Variants in FAM168B observed in about 807,000 individuals in gnomAD.
The protein encoded by FAM168B is family with sequence similarity 168 member B, also known as myelin-associated neurite-outgrowth inhibitor.
In FAM168B, 19 loss-of-function variants were observed where a neutral mutation model predicts 21.8. The ratio of observed to expected loss-of-function variants is 0.87; its 90% CI spans 0.61 to 1.28. The LOEUF (loss-of-function observed/expected upper bound fraction) is 1.28. Among genes scored for constraint, FAM168B ranks in the 50% most tolerant of loss-of-function variants. The pLI, the probability that FAM168B is intolerant of heterozygous loss-of-function variation, is 0.00. For synonymous variants in FAM168B, 126 were observed against 104.8 expected (o/e 1.20, Z -1.24); for missense variants, 233 against 263.1 (o/e 0.89, Z 0.79).
rs556668603 is a variant in FAM168B, at chr2:131,083,874, G to T, written c.-11-1217C>A. 7.7e-4 allele frequency among the ~76,000 whole-genome samples: 114 copies of T among 148,138 alleles called. 1 individual carries two copies. The highest frequency in any genetic ancestry group is 7.6e-4 in the Non-Finnish European group (51 of 67,192). The stretch of plus-strand genomic sequence containing the variant: ...TTTAGTGGTCCTTTTGCAATTTCCT[G>T]TATTTATTTATTTATTTATTTATTT... On this transcript the variant is annotated intron_variant, in intron 1 of 6. Coordinates refer to ENST00000389915, the MANE Select transcript of FAM168B (RefSeq NM_001009993.4).
chr2:131,051,716 C>A lies in FAM168B; in HGVS notation c.*749G>T. ...TGACACATAAACCACCCCCCTCGCC[C>A]CAAATTTCACTGGCCACACTACCAT... On this transcript the variant is annotated 3_prime_UTR_variant, in exon 7 of 7. Coordinates refer to ENST00000389915, the MANE Select transcript of FAM168B (RefSeq NM_001009993.4). The A allele has an allele frequency of 1.0e-6, 1 of 985,442 alleles. No homozygotes were observed. Among genetic ancestry groups the A allele is most frequent in the Non-Finnish European group, 1.2e-6 (1 of 829,940 alleles). The allele number at this position is 985,442 out of a possible 1,614,324, so 61.0% of individuals were successfully genotyped here.
At chr2:131,074,051 G>A (rs1693012082) in intron 2 of FAM168B, among the ~76,000 whole-genome samples, 1 of 152,196 alleles carries the variant, frequency 6.6e-6, no homozygotes. Context: ...TTTTCGATAA[G>A]GCCTCCCTTC....
At chr2:131,057,038 A>T (rs1359630051) in intron 3 of FAM168B, among the ~76,000 whole-genome samples, 1 of 152,170 alleles carries the variant, frequency 6.6e-6, no homozygotes, top group Non-Finnish European at 1.5e-5. Flanking sequence ...ATAATATGTA[A>T]ATCAGACCTC....
At chr2:131,058,873 CACA>C (rs1252795964) in intron 3 of FAM168B, among the ~76,000 whole-genome samples, 6 of 152,074 alleles carry the variant, frequency 3.9e-5, no homozygotes, top group Admixed American at 6.5e-5. Context: ...CCAATTACGC[CACA>C]ACGAGGTTGT....
In FAM168B at chr2:131,050,860, G is replaced by A; in HGVS notation, c.*1605C>T. 1.0e-6 allele frequency: 1 copy of A among 985,454 alleles called. No individual in the cohort carries two copies. Among genetic ancestry groups the A allele is most frequent in the Non-Finnish European group, 1.2e-6 (1 of 830,036 alleles). The allele number at this position is 985,454 out of a possible 1,614,324, so 61.0% of individuals were successfully genotyped here. ...ACAGCACTCAAACCACCACTGCACT[G>A]GGAAGAAGACGCACGCTCCTGCCCT... On this transcript the variant is annotated 3_prime_UTR_variant, in exon 7 of 7. Coordinates refer to ENST00000389915, the MANE Select transcript of FAM168B (RefSeq NM_001009993.4).
At chr2:131,057,063 T>C (rs1029052138) in intron 3 of FAM168B, among the ~76,000 whole-genome samples, 2 of 152,208 alleles carry the variant, frequency 1.3e-5, no homozygotes, top group Non-Finnish European at 2.9e-5. Flanking sequence ...CAAGTGCTTA[T>C]GGCATCTCAC....
chr2:131,065,807 G>GAAAAAAAAA (rs796177546), intron 3 of FAM168B, among the ~76,000 whole-genome samples: 13 of 94,798 alleles, frequency 1.4e-4, no homozygotes, highest in Non-Finnish European at 2.1e-4. Context: ...AAGAAAAAAA[G>GAAAAAAAAA]AAAAAAAAAA....
intron 3 of FAM168B, among the ~76,000 whole-genome samples, chr2:131,056,004 T>C (rs1692003426): frequency 6.6e-6 from 1 of 152,194 alleles, no homozygotes; most frequent in Admixed American, 6.5e-5. Context: ...GGAATTTAAA[T>C]TGGTATGGCA....
Position 131,049,864 on chromosome 2 carries a change from A to G in FAM168B, c.*2601T>C. ...ATTTTGACCCAAGTTCTATTTCTTA[A>G]TTGACTTTAATTTTACTAGAAGCGA... On this transcript the variant is annotated 3_prime_UTR_variant, in exon 7 of 7. Coordinates refer to ENST00000389915, the MANE Select transcript of FAM168B (RefSeq NM_001009993.4). 1 of 985,778 alleles carries G rather than the reference A, an allele frequency of 1.0e-6. No individual in the cohort carries two copies. The highest frequency in any genetic ancestry group is 1.2e-6 in the Non-Finnish European group (1 of 829,932). The allele number at this position is 985,778 out of a possible 1,614,324, so 61.1% of individuals were successfully genotyped here. A position where few individuals can be genotyped will look rare whatever the true frequency, so the allele number is the denominator to read the frequency against.
At chr2:131,075,660 T>G (rs1462161118) in intron 2 of FAM168B, among the ~76,000 whole-genome samples, 2 of 152,066 alleles carry the variant, frequency 1.3e-5, no homozygotes, top group African/African-American at 4.8e-5. Flanking sequence ...GGCTAATTTT[T>G]TGTATTTTTA....
chr2:131,066,196 C>T (rs1202725915), intron 3 of FAM168B, among the ~76,000 whole-genome samples: 5 of 146,250 alleles, frequency 3.4e-5, no homozygotes, highest in Non-Finnish European at 5.9e-5. Context: ...AGTGGAGTCT[C>T]GCTCTGTCGC....
intron 1 of FAM168B, among the ~76,000 whole-genome samples, chr2:131,085,841 T>C (rs1693666949): frequency 6.6e-6 from 1 of 152,232 alleles, no homozygotes; most frequent in African/African-American, 2.4e-5. Context: ...TCCTTCTCCA[T>C]CTGTGCTGTC....
Position 131,049,727 on chromosome 2 carries a change from T to C in FAM168B, c.*2738A>G, listed in dbSNP as rs1016394347. The C allele has an allele frequency of 1.9e-5, 19 of 985,746 alleles. No individual in the cohort carries two copies. The highest frequency in any genetic ancestry group is 1.7e-4 in the African/African-American group (10 of 57,258). The allele number at this position is 985,746 out of a possible 1,614,324, so 61.1% of individuals were successfully genotyped here. A position where few individuals can be genotyped will look rare whatever the true frequency, so the allele number is the denominator to read the frequency against. ...CCTGCTGTCTCAACTTCTAAAAGAA[T>C]AGTAATTCAGCTGAAGGACTCCCAA... is the stretch of plus-strand genomic sequence containing the variant. On this transcript the variant is annotated 3_prime_UTR_variant, in exon 7 of 7. Transcript: ENST00000389915.
chr2:131,083,428 T>C lies in FAM168B; in HGVS notation c.-11-771A>G, dbSNP rs573049017. Among the ~76,000 whole-genome samples, 19 of 152,278 alleles carry C rather than the reference T, an allele frequency of 1.2e-4. No homozygotes were observed. In the East Asian group the frequency reaches 3.5e-3, roughly 28 times the overall value. ...GGTGACGCACACCTGTAATCCCAGC[T>C]ACTTGGGAGGCTGAGGCACAAGAAT... On this transcript the variant is annotated intron_variant, in intron 1 of 6. Transcript: ENST00000389915.
intron 3 of FAM168B, among the ~76,000 whole-genome samples, chr2:131,069,773 G>A (rs1692776558): frequency 6.6e-6 from 1 of 151,842 alleles, no homozygotes; most frequent in South Asian, 2.1e-4. Flanking sequence ...GACGACAGGC[G>A]TGAGCCACTG....
intron 3 of FAM168B, among the ~76,000 whole-genome samples, chr2:131,063,302 CACA>C (rs1439619773): frequency 1.3e-5 from 2 of 152,160 alleles, no homozygotes; most frequent in Middle Eastern, 3.2e-3. Context: ...GATTTCTAAT[CACA>C]ACAATGGTTT....
intron 1 of FAM168B, among the ~76,000 whole-genome samples, chr2:131,084,160 A>G (rs1693566282): frequency 6.6e-6 from 1 of 151,130 alleles, no homozygotes; most frequent in South Asian, 2.1e-4. Context: ...TCAGCCTCTC[A>G]AAGTGCTGGG....
At chr2:131,088,080 T>C (rs540755592) in intron 1 of FAM168B, among the ~76,000 whole-genome samples, 1 of 152,216 alleles carries the variant, frequency 6.6e-6, no homozygotes, top group African/African-American at 2.4e-5. Context: ...ACCCAGTCTC[T>C]GCTAAAAATA....
In FAM168B at chr2:131,065,955, C is replaced by T. The variant is rs141110917; in HGVS notation, c.154+5900G>A. 5.9e-4 allele frequency among the ~76,000 whole-genome samples: 90 copies of T among 152,168 alleles called. 2 individuals carry two copies. The highest frequency in any genetic ancestry group is 2.0e-3 in the African/African-American group (82 of 41,530). Reference sequence around the variant, plus strand: ...CACTTCGTAATTAAATGCATGTGTACCTGTACATAAATGTTTGCACATCCA... The same window carrying T: ...CACTTCGTAATTAAATGCATGTGTATCTGTACATAAATGTTTGCACATCCA... On this transcript the variant is annotated intron_variant, in intron 3 of 6. Transcript: ENST00000389915.
Sources: allele counts gnomAD v4.1 joint callset (sites outside exome capture counted in the v4.1 genomes callset), GRCh38; gene constraint gnomAD v4.1.1; transcripts MANE v1.5; gene names NCBI Gene and HGNC (gene_info 2026-07-23, HGNC 2026-07-21).